Variants in NFXL1 observed in about 807,000 individuals in gnomAD.
NFXL1 encodes nuclear transcription factor, X-box binding like 1.
NFXL1 carries 66 observed loss-of-function variants against 123.3 expected under a neutral mutation model. The observed-to-expected ratio is 0.54, with a 90% CI of 0.44 to 0.66. NFXL1 has a LOEUF of 0.66. Ranked by LOEUF, NFXL1 falls within the 30% of genes least tolerant of loss-of-function variation. The pLI, the probability that NFXL1 is intolerant of heterozygous loss-of-function variation, is 0.00. For synonymous variants in NFXL1, 346 were observed against 360.8 expected (o/e 0.96, Z 0.46); for missense variants, 944 against 1,125.6 (o/e 0.84, Z 2.31).
At chr4:47,885,766 A>G in intron 13 of NFXL1, 109 bp from the exon 14 acceptor site, 1 of 1,344,230 alleles carries the variant, frequency 7.4e-7, no homozygotes, top group East Asian at 2.4e-5. Context: ...GAATGAGTAT[A>G]CTGTGAATAT....
Position 47,911,055 on chromosome 4 carries a change from G to A in NFXL1, c.236-61C>T, listed in dbSNP as rs1737808544. 3.2e-6 allele frequency: 3 copies of A among 946,210 alleles called. No individual in the cohort carries two copies. The Admixed American group carries it at 9.3e-5, about 29-fold the overall frequency. The allele number at this position is 946,210 out of a possible 1,614,324, so 58.6% of individuals were successfully genotyped here. A position where few individuals can be genotyped will look rare whatever the true frequency, so the allele number is the denominator to read the frequency against. On this transcript the variant is annotated intron_variant, in intron 2 of 22. Transcript: ENST00000507489. ...AATCTCTCAAAAAGAAAAGCATAAT[G>A]TGCTAATATATCATTTTACAACACA... is the stretch of plus-strand genomic sequence containing the variant.
chr4:47,885,713 C>A, intron 13 of NFXL1, 56 bp from the exon 14 acceptor site: 1 of 1,468,888 alleles, frequency 6.8e-7, no homozygotes, highest in Non-Finnish European at 9.5e-7. Context: ...ATAATTACAT[C>A]TAAAGGACAA....
intron 11 of NFXL1, 77 bp from the exon 12 acceptor site, chr4:47,890,780 A>T: frequency 1.3e-6 from 1 of 749,990 alleles, no homozygotes; most frequent in East Asian, 2.6e-5. Flanking sequence ...CTAGTTACAG[A>T]ACTTATGGAA....
chr4:47,868,615 T>A (rs539686394), intron 18 of NFXL1, among the ~76,000 whole-genome samples: 2 of 148,158 alleles, frequency 1.3e-5, no homozygotes, highest in African/African-American at 2.5e-5. Flanking sequence ...CAAACCTTAA[T>A]AGGAGAAAAT....
chr4:47,860,930 G>T (rs1180950391), intron 19 of NFXL1, among the ~76,000 whole-genome samples: 3 of 151,084 alleles, frequency 2.0e-5, no homozygotes, highest in Admixed American at 6.6e-5. Context: ...TTGGCTCACT[G>T]CAACTTCCGC....
rs1738007317 is a variant in NFXL1, at chr4:47,914,372, C to CG, written c.-11dup. 1.8e-6 allele frequency: 1 copy of CG among 546,084 alleles called. No individual in the cohort carries two copies. Among genetic ancestry groups the CG allele is most frequent in the Non-Finnish European group, 3.2e-6 (1 of 312,328 alleles). The allele number at this position is 546,084 out of a possible 1,614,324, so 33.8% of individuals were successfully genotyped here. On this transcript the variant is annotated 5_prime_UTR_variant, in exon 1 of 23. Transcript: ENST00000507489. ...TCGCGGCCCTGCCTTTACCGGAGGG[C>CG]GAGTCCCCGCCAAGCCCGGGCTTTG...
In NFXL1 at chr4:47,878,577, A is replaced by T; in HGVS notation, c.2027T>A (p.Met676Lys). The change falls in exon 17 of 23, where the codon ATG (methionine) becomes AAG (lysine). Residue 676 changes from methionine (M) to lysine (K), a missense_variant. By Grantham distance (95) the Met-to-Lys change is moderately conservative. This residue lies in a region of NFXL1 where 301 missense variants were observed against 348.0 expected (regional missense o/e 0.86). Transcript: ENST00000507489. ...RILDCQNHTC[M>K]KECHKVTKTD... ...TTTGGTTACTTTGTGGCATTCTTTC[A>T]TACATGTGTGATTCTGACAATCCAA... 6.2e-7 allele frequency: 1 copy of T among 1,607,734 alleles called. No homozygotes were observed. Among genetic ancestry groups the T allele is most frequent in the Non-Finnish European group, 8.5e-7 (1 of 1,176,928 alleles).
At chr4:47,890,513 A>G in intron 12 of NFXL1, 100 bp downstream of exon 12, 1 of 678,490 alleles carries the variant, frequency 1.5e-6, no homozygotes, top group South Asian at 1.8e-5. Context: ...GATAATGACT[A>G]TAAAACGCTA....
chr4:47,862,327 T>C (rs1346985281), intron 19 of NFXL1, among the ~76,000 whole-genome samples: 5 of 152,180 alleles, frequency 3.3e-5, no homozygotes, highest in Non-Finnish European at 7.3e-5. Flanking sequence ...AAAGGCTCAA[T>C]GATCTGAATG....
chr4:47,906,844 G>A (rs547620673), intron 3 of NFXL1, among the ~76,000 whole-genome samples: 27 of 152,222 alleles, frequency 1.8e-4, no homozygotes, highest in Non-Finnish European at 3.1e-4. Flanking sequence ...ACATCACAGC[G>A]GATAGCATGC....
At chr4:47,859,561 G>A (rs539368066) in intron 19 of NFXL1, among the ~76,000 whole-genome samples, 6 of 152,082 alleles carry the variant, frequency 3.9e-5, no homozygotes, top group South Asian at 2.1e-4. Context: ...CAGAAATACC[G>A]GCCAGGTGCA....
intron 8 of NFXL1, 53 bp downstream of exon 8, chr4:47,898,704 C>A: frequency 8.4e-7 from 1 of 1,195,260 alleles, no homozygotes; most frequent in South Asian, 1.2e-5. Context: ...TCTAGGTTGT[C>A]TATGCTTTCT....
intron 5 of NFXL1, among the ~76,000 whole-genome samples, chr4:47,902,981 C>T (rs1199110741): frequency 6.6e-6 from 1 of 152,098 alleles, no homozygotes; most frequent in Non-Finnish European, 1.5e-5. Flanking sequence ...TGGTGAAACC[C>T]TGTGTCTACT....
chr4:47,855,536 C>G (rs1028444598), intron 19 of NFXL1, among the ~76,000 whole-genome samples: 10 of 151,794 alleles, frequency 6.6e-5, no homozygotes, highest in South Asian at 2.1e-4. Context: ...CTTCTCTTCC[C>G]CATGTCCTGG....
At chr4:47,910,769 AT>A (rs373595068) in intron 3 of NFXL1, 54 bp downstream of exon 3, 6 of 1,151,108 alleles carry the variant, frequency 5.2e-6, no homozygotes, top group African/African-American at 4.7e-5. Context: ...TACCAAAAAA[AT>A]GTCAGGAATA....
intron 9 of NFXL1, among the ~76,000 whole-genome samples, chr4:47,897,322 G>GT (rs1214343367): frequency 1.3e-5 from 2 of 152,036 alleles, no homozygotes; most frequent in Non-Finnish European, 2.9e-5. Context: ...TTAAAAAACT[G>GT]TAACAACTAC....
chr4:47,912,991 C>T (rs568191516), intron 2 of NFXL1, among the ~76,000 whole-genome samples: 2 of 126,002 alleles, frequency 1.6e-5, no homozygotes, highest in African/African-American at 3.0e-5. Flanking sequence ...CCAGCCTGGG[C>T]GACCAGCGAG....
At chr4:47,858,739 G>A (rs1282556982) in intron 19 of NFXL1, among the ~76,000 whole-genome samples, 1 of 152,298 alleles carries the variant, frequency 6.6e-6, no homozygotes, top group South Asian at 2.1e-4. Context: ...CTATAGGATA[G>A]AGGATGGGAA....
At chr4:47,908,952 CGCA>C (rs1560606517) in intron 3 of NFXL1, among the ~76,000 whole-genome samples, 3 of 60,438 alleles carry the variant, frequency 5.0e-5, no homozygotes, top group Admixed American at 2.3e-4. Flanking sequence ...GAGACTCCGT[CGCA>C]AAAAAAAAAA....
Sources: allele counts gnomAD v4.1 joint callset (sites outside exome capture counted in the v4.1 genomes callset), GRCh38; gene constraint gnomAD v4.1.1; regional missense constraint gnomAD v4.1.1; transcripts MANE v1.5; gene names NCBI Gene and HGNC (gene_info 2026-07-23, HGNC 2026-07-21).